Variants in IGFBP7 observed in about 807,000 individuals in gnomAD.
IGFBP7 encodes insulin like growth factor binding protein 7.
IGFBP7 carries 31 observed loss-of-function variants against 29.4 expected under a neutral mutation model. The ratio of observed to expected loss-of-function variants is 1.05; its 90% CI spans 0.79 to 1.42. IGFBP7 has a LOEUF of 1.42. Ranked by LOEUF, IGFBP7 falls within the 40% of genes most tolerant of loss-of-function variation. The probability of loss-of-function intolerance (pLI) is 0.00; values close to 1 mark genes in which losing one functional copy is unlikely to be tolerated. For synonymous variants in IGFBP7, 172 were observed against 174.9 expected, an observed-to-expected ratio of 0.98 and a Z score of 0.13; for missense variants, 393 against 395.5, an observed-to-expected ratio of 0.99 and a Z score of 0.05.
At chr4:57,081,442 TC>T (rs1418605542) in intron 1 of IGFBP7, among the ~76,000 whole-genome samples, 1 of 152,116 alleles carries the variant, frequency 6.6e-6, no homozygotes, top group Non-Finnish European at 1.5e-5. Context: ...AGGAAAACAT[TC>T]CTGACCTCTG....
intron 1 of IGFBP7, among the ~76,000 whole-genome samples, chr4:57,094,090 T>C (rs991138795): frequency 2.6e-5 from 4 of 152,166 alleles, no homozygotes; most frequent in African/African-American, 9.7e-5. Context: ...CTCCCTCTTC[T>C]TTCTTCCACC....
At chr4:57,073,966 C>T (rs143445113) in intron 1 of IGFBP7, among the ~76,000 whole-genome samples, 1,532 of 152,320 alleles carry the variant, frequency 0.01, 21 homozygotes, top group Middle Eastern at 0.034. Context: ...CAGCAGCTCA[C>T]CCAGCCACTG....
chr4:57,070,403 A>C (rs950292547), intron 1 of IGFBP7, among the ~76,000 whole-genome samples: 81 of 152,230 alleles, frequency 5.3e-4, no homozygotes, highest in African/African-American at 1.9e-3. Context: ...TTGTCTTATT[A>C]TGTTAACACA....
intron 1 of IGFBP7, among the ~76,000 whole-genome samples, chr4:57,073,403 C>A (rs909585413): frequency 2.0e-5 from 3 of 151,520 alleles, no homozygotes; most frequent in Non-Finnish European, 2.9e-5. Flanking sequence ...AAGACCAGCC[C>A]GGACAACATA....
chr4:57,049,918 G>A (rs1724462267), intron 1 of IGFBP7, among the ~76,000 whole-genome samples: 1 of 152,082 alleles, frequency 6.6e-6, no homozygotes, highest in Non-Finnish European at 1.5e-5. Context: ...GTGTACACAT[G>A]GCCAAAAGCG....
chr4:57,042,248 G>T (rs1724245661), intron 1 of IGFBP7, among the ~76,000 whole-genome samples: 1 of 152,212 alleles, frequency 6.6e-6, no homozygotes, highest in Non-Finnish European at 1.5e-5. Flanking sequence ...TCTGGTCCTG[G>T]GTTAGCTAAC....
chr4:57,075,971 A>G (rs541284069), intron 1 of IGFBP7, among the ~76,000 whole-genome samples: 5 of 152,292 alleles, frequency 3.3e-5, no homozygotes, highest in Admixed American at 6.5e-5. Flanking sequence ...CGATATAAAA[A>G]TCTCGAATAC....
At position 57,075,243 on chromosome 4, in the gene IGFBP7, T is replaced by C. The variant is rs1275620664; in HGVS notation, c.476-34310A>G. Reference sequence around the variant, plus strand: ...GTGATCTGGTGTGAGGTTGCTTAACTAACCTCCTGCCCACTAAAGGAGACA... The same window carrying C: ...GTGATCTGGTGTGAGGTTGCTTAACCAACCTCCTGCCCACTAAAGGAGACA... On this transcript the variant is annotated intron_variant, in intron 1 of 4. Transcript: ENST00000295666. Among the ~76,000 whole-genome samples, 4 of 152,316 alleles carry C rather than the reference T, an allele frequency of 2.6e-5. No homozygotes were observed. In the East Asian group the frequency reaches 7.7e-4, roughly 29 times the overall value.
At chr4:57,083,532 A>T (rs1725423446) in intron 1 of IGFBP7, among the ~76,000 whole-genome samples, 1 of 152,128 alleles carries the variant, frequency 6.6e-6, no homozygotes, top group African/African-American at 2.4e-5. Flanking sequence ...TACTACAGAT[A>T]TTTAGTTTGC....
intron 1 of IGFBP7, among the ~76,000 whole-genome samples, chr4:57,059,685 A>T (rs1028135644): frequency 7.9e-5 from 12 of 152,176 alleles, no homozygotes; most frequent in Non-Finnish European, 1.6e-4. Flanking sequence ...GCTGTACAAC[A>T]AACCTCCATG....
At chr4:57,071,445 T>A (rs935922513) in intron 1 of IGFBP7, among the ~76,000 whole-genome samples, 2 of 152,214 alleles carry the variant, frequency 1.3e-5, no homozygotes, top group Non-Finnish European at 2.9e-5. Flanking sequence ...AAGTTTGCAC[T>A]CAGTCTGGTA....
At chr4:57,097,404 G>A (rs544604322) in intron 1 of IGFBP7, among the ~76,000 whole-genome samples, 8 of 152,282 alleles carry the variant, frequency 5.3e-5, no homozygotes, top group South Asian at 2.1e-4. Context: ...AAGTTTCCAC[G>A]AATTTTCTTT....
intron 1 of IGFBP7, among the ~76,000 whole-genome samples, chr4:57,094,407 T>C (rs142564300): frequency 1.3e-4 from 20 of 152,174 alleles, no homozygotes; most frequent in African/African-American, 4.6e-4. Flanking sequence ...GGTGGCTCCA[T>C]GTGAAGTAAG....
rs57704332 is a variant in IGFBP7, at chr4:57,084,788, G to GTTTTTTTTTTTT, written c.475+25077_475+25088dup. Among the ~76,000 whole-genome samples, 235 of 113,062 alleles carry GTTTTTTTTTTTT rather than the reference G, an allele frequency of 2.1e-3. 21 individuals carry two copies. Among genetic ancestry groups the GTTTTTTTTTTTT allele is most frequent in the African/African-American group, 5.3e-3 (153 of 29,124 alleles). 74.2% of individuals were successfully genotyped at this position (113,062 alleles called of 152,430 possible). A position where few individuals can be genotyped will look rare whatever the true frequency, so the allele number is the denominator to read the frequency against. On this transcript the variant is annotated intron_variant, in intron 1 of 4. Coordinates refer to ENST00000295666, the MANE Select transcript of IGFBP7 (RefSeq NM_001553.3). Reference sequence around the variant, plus strand: ...CTTTTTACTCAGATGTTTAAAAAAGGTTTTTTTTTTTTTTTTTTTTGGGAC... The same window carrying GTTTTTTTTTTTT: ...CTTTTTACTCAGATGTTTAAAAAAGGTTTTTTTTTTTTTTTTTTTTTTTTTTTTTTTTGGGAC...
chr4:57,087,225 C>T (rs1489298706), intron 1 of IGFBP7, among the ~76,000 whole-genome samples: 1 of 152,190 alleles, frequency 6.6e-6, no homozygotes, highest in African/African-American at 2.4e-5. Flanking sequence ...ATTCCTCTGT[C>T]TTTTGGCAGG....
chr4:57,048,327 G>A (rs1262985462), intron 1 of IGFBP7, among the ~76,000 whole-genome samples: 2 of 152,160 alleles, frequency 1.3e-5, no homozygotes, highest in Non-Finnish European at 2.9e-5. Context: ...GGGATTACAG[G>A]AGTGAGCAAC....
At chr4:57,085,897 A>G (rs1725486880) in intron 1 of IGFBP7, among the ~76,000 whole-genome samples, 1 of 151,950 alleles carries the variant, frequency 6.6e-6, no homozygotes, top group African/African-American at 2.4e-5. Flanking sequence ...CTTTTGTTTC[A>G]TTCATCTCTA....
chr4:57,076,315 C>G (rs995017394), intron 1 of IGFBP7, among the ~76,000 whole-genome samples: 1 of 152,178 alleles, frequency 6.6e-6, no homozygotes, highest in Admixed American at 6.5e-5. Context: ...TAGCTGATCT[C>G]TTTACTAGAA....
At chr4:57,032,899 C>G (rs11573126) in intron 3 of IGFBP7, among the ~76,000 whole-genome samples, 5,153 of 152,276 alleles carry the variant, frequency 0.034, 346 homozygotes, top group East Asian at 0.25. Context: ...ATTTATTAAT[C>G]GATAATCAGT....
Sources: allele counts gnomAD v4.1 joint callset (sites outside exome capture counted in the v4.1 genomes callset), GRCh38; gene constraint gnomAD v4.1.1; transcripts MANE v1.5; gene names NCBI Gene and HGNC (gene_info 2026-07-23, HGNC 2026-07-21).